Variants in NAV2 observed in about 807,000 individuals in gnomAD.
NAV2 encodes the protein helicase, APC down-regulated 1.
NAV2 carries 54 observed loss-of-function variants against 223.2 expected under a neutral mutation model. The observed-to-expected ratio is 0.24, with a 90% confidence interval of 0.19 to 0.30. The LOEUF (loss-of-function observed/expected upper bound fraction) is 0.30, where lower values mean the gene tolerates loss of function less well. NAV2 is among the 10% of genes least tolerant of loss of function. The pLI is 1.00. For missense variants in NAV2, 2,806 were observed against 3,147.5 expected, an observed-to-expected ratio of 0.89 and a Z score of 2.60; for synonymous variants, 1,279 against 1,239.3, an observed-to-expected ratio of 1.03 and a Z score of -0.67.
At chr11:19,671,400 G>T (rs1565155026) in intron 1 of NAV2, among the ~76,000 whole-genome samples, 1 of 152,122 alleles carries the variant, frequency 6.6e-6, no homozygotes. Flanking sequence ...CTTGTTGATG[G>T]TGACTCTGAA....
chr11:19,455,797 C>G (rs1310571147), intron 1 of NAV2, among the ~76,000 whole-genome samples: 2 of 152,324 alleles, frequency 1.3e-5, no homozygotes, highest in East Asian at 3.9e-4. Context: ...CAGTAGAATT[C>G]CAGGGTAATG....
chr11:19,490,207 T>C (rs1446075168), intron 1 of NAV2, among the ~76,000 whole-genome samples: 2 of 152,222 alleles, frequency 1.3e-5, no homozygotes, highest in Non-Finnish European at 2.9e-5. Context: ...GGCTGCTGAC[T>C]GATTAGGGTG....
chr11:19,851,999 C>T (rs1488427262), intron 3 of NAV2, among the ~76,000 whole-genome samples: 3 of 152,128 alleles, frequency 2.0e-5, no homozygotes, highest in Non-Finnish European at 2.9e-5. Flanking sequence ...GAAGAAGGGG[C>T]CATGAGCCAA....
intron 1 of NAV2, among the ~76,000 whole-genome samples, chr11:19,810,846 A>G (rs908751760): frequency 2.9e-4 from 44 of 152,350 alleles, no homozygotes; most frequent in African/African-American, 9.1e-4. Context: ...ATAGGCTGTC[A>G]CAATGCCATA....
intron 19 of NAV2, among the ~76,000 whole-genome samples, chr11:20,060,317 C>A (rs937459866): frequency 6.6e-5 from 10 of 152,246 alleles, no homozygotes; most frequent in Non-Finnish European, 1.5e-4. Flanking sequence ...AACATAATTC[C>A]TCCACTATTG....
intron 6 of NAV2, among the ~76,000 whole-genome samples, chr11:19,916,405 G>A (rs2043809543): frequency 1.3e-5 from 2 of 152,166 alleles, no homozygotes; most frequent in South Asian, 4.1e-4. Context: ...AATAAAATCA[G>A]TATGCATTAA....
chr11:19,644,907 C>T (rs1250431726), intron 1 of NAV2, among the ~76,000 whole-genome samples: 1 of 152,206 alleles, frequency 6.6e-6, no homozygotes, highest in Non-Finnish European at 1.5e-5. Flanking sequence ...TATTTTACAC[C>T]AGTTGCTTGG....
chr11:19,453,756 C>T (rs970321723), intron 1 of NAV2, among the ~76,000 whole-genome samples: 1 of 152,180 alleles, frequency 6.6e-6, no homozygotes, highest in Admixed American at 6.5e-5. Flanking sequence ...AATCTAAACC[C>T]TTCGCTGATA....
intron 10 of NAV2, among the ~76,000 whole-genome samples, chr11:19,965,788 C>G (rs1403126293): frequency 6.6e-6 from 1 of 152,214 alleles, no homozygotes; most frequent in Non-Finnish European, 1.5e-5. Context: ...TTCATGGGGT[C>G]TCTGCACCAG....
chr11:19,968,408 C>T (rs1015591471), intron 10 of NAV2, among the ~76,000 whole-genome samples: 5 of 152,012 alleles, frequency 3.3e-5, no homozygotes, highest in South Asian at 2.1e-4. Flanking sequence ...TTAGTAGAGA[C>T]GGGGTTTCAC....
intron 1 of NAV2, among the ~76,000 whole-genome samples, chr11:19,745,803 G>GCAGAGCT (rs1323075852): frequency 2.0e-5 from 3 of 152,100 alleles, no homozygotes; most frequent in African/African-American, 7.2e-5. Flanking sequence ...GATCTGACAG[G>GCAGAGCT]CAGAGCTCAG....
chr11:20,090,836 T>C (rs2060792079), intron 26 of NAV2, 29 bp from the exon 27 acceptor site: 4 of 1,610,246 alleles, frequency 2.5e-6, no homozygotes, highest in African/African-American at 1.3e-5. Context: ...AAGGAGCTGC[T>C]TTCATCAGTA....
intron 1 of NAV2, among the ~76,000 whole-genome samples, chr11:19,652,108 G>T (rs2047987306): frequency 6.6e-6 from 1 of 152,098 alleles, no homozygotes; most frequent in African/African-American, 2.4e-5. Flanking sequence ...ATTAATCCAA[G>T]ATATTAACCA....
chr11:19,981,322 C>T (rs1418178433), intron 10 of NAV2: 2 of 152,170 alleles, frequency 1.3e-5, no homozygotes, highest in Admixed American at 6.5e-5. Context: ...ACGTTGCACC[C>T]GGGTGTAGCT....
At chr11:19,346,548 C>T (rs1467908366), upstream of NAV2, among the ~76,000 whole-genome samples, 53 of 152,202 alleles carry the variant, frequency 3.5e-4, no homozygotes. Flanking sequence ...GGGACTCAGG[C>T]GGCGGCGGTG....
intron 1 of NAV2, among the ~76,000 whole-genome samples, chr11:19,639,782 G>T (rs189406404): frequency 1.3e-5 from 2 of 152,190 alleles, no homozygotes; most frequent in Non-Finnish European, 2.9e-5. Context: ...CTTGTGTGGA[G>T]CGTTCTCCCA....
At chr11:19,576,829 G>A (rs1350280436) in intron 1 of NAV2, among the ~76,000 whole-genome samples, 1 of 152,152 alleles carries the variant, frequency 6.6e-6, no homozygotes, top group African/African-American at 2.4e-5. Context: ...ACAGTGCATA[G>A]CAGACACACA....
intron 1 of NAV2, among the ~76,000 whole-genome samples, chr11:19,797,368 G>A (rs1005758939): frequency 6.6e-6 from 1 of 152,132 alleles, no homozygotes; most frequent in African/African-American, 2.4e-5. Flanking sequence ...CTGCAGTTAT[G>A]TTCTCCACCT....
At chr11:19,469,226 A>G (rs2041882945) in intron 1 of NAV2, among the ~76,000 whole-genome samples, 1 of 152,200 alleles carries the variant, frequency 6.6e-6, no homozygotes, top group Non-Finnish European at 1.5e-5. Flanking sequence ...TTCTAGCACC[A>G]AGAACATCCA....
Sources: gnomAD v4.1 joint callset for allele counts (sites outside exome capture counted in the v4.1 genomes callset) on GRCh38, gnomAD v4.1.1 for gene constraint, MANE v1.5 for transcripts, NCBI Gene and HGNC (gene_info 2026-07-23, HGNC 2026-07-21) for gene names.